INPP5A: variants seen among roughly 807,000 people sequenced by gnomAD.
INPP5A encodes the protein 43 kDa inositol polyphosphate 5-phophatase.
A neutral mutation model predicts 65.2 loss-of-function variants in INPP5A; 14 were observed. The observed-to-expected ratio is 0.21, with a 90% confidence interval of 0.14 to 0.34. The LOEUF is 0.34. INPP5A is among the 10% of genes least tolerant of loss of function. The probability of loss-of-function intolerance (pLI) is 1.00; values close to 1 mark genes in which losing one functional copy is unlikely to be tolerated. For synonymous variants in INPP5A, 207 were observed against 208.3 expected (o/e 0.99, Z 0.05); for missense variants, 431 against 545.6 (o/e 0.79, Z 2.09).
chr10:132,586,312 G>A (rs1041596235), intron 1 of INPP5A, among the ~76,000 whole-genome samples: 1 of 152,238 alleles, frequency 6.6e-6, no homozygotes, highest in Admixed American at 6.5e-5. Flanking sequence ...GCACCCTCCA[G>A]GACGGGGACT....
intron 11 of INPP5A, among the ~76,000 whole-genome samples, chr10:132,759,665 G>A (rs915442375): frequency 1.3e-5 from 2 of 152,224 alleles, no homozygotes; most frequent in East Asian, 3.9e-4. Context: ...GGCTCTCGGG[G>A]GTCCGGCTAC....
At chr10:132,594,163 G>A (rs1590853884) in intron 1 of INPP5A, among the ~76,000 whole-genome samples, 2 of 152,280 alleles carry the variant, frequency 1.3e-5, no homozygotes, top group Non-Finnish European at 1.5e-5. Flanking sequence ...CCAATGTTAT[G>A]TTTGTCTCAT....
chr10:132,709,053 T>G (rs561625162), intron 7 of INPP5A, among the ~76,000 whole-genome samples: 5 of 151,768 alleles, frequency 3.3e-5, no homozygotes, highest in African/African-American at 1.2e-4. Context: ...TAAAAACACA[T>G]ACGAGGTCAT....
intron 14 of INPP5A, among the ~76,000 whole-genome samples, chr10:132,781,383 G>A (rs1022687075): frequency 3.3e-5 from 5 of 152,178 alleles, no homozygotes; most frequent in African/African-American, 4.8e-5. Context: ...ACTGCACCTC[G>A]AGAGTGTGCA....
intron 12 of INPP5A, among the ~76,000 whole-genome samples, chr10:132,766,976 C>T (rs375702366): frequency 3.5e-5 from 3 of 85,400 alleles, no homozygotes; most frequent in Admixed American, 1.4e-4. Context: ...GATGTGGCCT[C>T]GGAGCTTGGG....
intron 2 of INPP5A, among the ~76,000 whole-genome samples, chr10:132,608,614 G>T (rs1428416623): frequency 6.6e-6 from 1 of 152,182 alleles, no homozygotes; most frequent in African/African-American, 2.4e-5. Context: ...CTGAGGACTG[G>T]GTGCATGGGG....
chr10:132,709,121 CT>C (rs2134527137), intron 7 of INPP5A, among the ~76,000 whole-genome samples: 1 of 151,480 alleles, frequency 6.6e-6, no homozygotes, highest in East Asian at 2.0e-4. Context: ...CCCTGGTCAC[CT>C]TGGGGCTTCC....
intron 2 of INPP5A, among the ~76,000 whole-genome samples, chr10:132,609,668 G>A (rs1236511945): frequency 6.6e-6 from 1 of 152,218 alleles, no homozygotes; most frequent in South Asian, 2.1e-4. Context: ...TTTTTGAGAC[G>A]GAGTCTCACT....
rs1037002122 is a variant in INPP5A, at chr10:132,676,621, G to C, written c.307-13771G>C. Among the ~76,000 whole-genome samples the C allele has an allele frequency of 1.3e-5, 2 of 152,292 alleles. No homozygotes were observed. Among genetic ancestry groups the C allele is most frequent in the Middle Eastern group, 6.8e-3 (2 of 294 alleles). ...CGCTGGCCTACAGACTGCTGTCCCGGCCAGTGCTCCGCTCCCTGCGCCCCT... is the reference window on the plus strand; with the variant it reads ...CGCTGGCCTACAGACTGCTGTCCCGCCCAGTGCTCCGCTCCCTGCGCCCCT... On this transcript the variant is annotated intron_variant, in intron 4 of 15. Coordinates refer to ENST00000368594, the MANE Select transcript of INPP5A (RefSeq NM_005539.5). This position sits in a 1 kb window ranked among gnomAD's most constrained non-coding sequence, Gnocchi z 4.0.
At chr10:132,653,117 C>T (rs1240230982) in intron 4 of INPP5A, among the ~76,000 whole-genome samples, 1 of 152,208 alleles carries the variant, frequency 6.6e-6, no homozygotes, top group African/African-American at 2.4e-5. Flanking sequence ...CCAGAGCAGG[C>T]CTCTCCGTCT....
intron 6 of INPP5A, among the ~76,000 whole-genome samples, chr10:132,701,845 G>T (rs1232573591): frequency 1.3e-5 from 2 of 152,238 alleles, no homozygotes; most frequent in African/African-American, 4.8e-5. Flanking sequence ...AGGAATTGGG[G>T]CGGTGGTTCC....
At chr10:132,666,084 T>C (rs2072798095) in intron 4 of INPP5A, among the ~76,000 whole-genome samples, 1 of 150,558 alleles carries the variant, frequency 6.6e-6, no homozygotes, top group Admixed American at 6.6e-5. Flanking sequence ...AAGAATGATA[T>C]AACCACATTA....
intron 5 of INPP5A, among the ~76,000 whole-genome samples, chr10:132,696,368 T>G (rs1180260239): frequency 2.6e-5 from 4 of 152,202 alleles, no homozygotes; most frequent in Non-Finnish European, 5.9e-5. Flanking sequence ...GCCCAGAGTT[T>G]TGAAGAAGAA....
chr10:132,687,002 T>C (rs965668624), intron 4 of INPP5A, among the ~76,000 whole-genome samples: 14 of 152,234 alleles, frequency 9.2e-5, no homozygotes, highest in African/African-American at 3.4e-4. Flanking sequence ...TGGAGTGCAG[T>C]GGCATGATCT....
intron 1 of INPP5A, among the ~76,000 whole-genome samples, chr10:132,592,404 A>G (rs2071629971): frequency 6.6e-6 from 1 of 151,674 alleles, no homozygotes; most frequent in South Asian, 2.1e-4. Flanking sequence ...TGGGGCAAAA[A>G]TGTTTGTTTG....
chr10:132,545,788 A>G lies in INPP5A; in HGVS notation c.75+7617A>G, dbSNP rs1463179945. Among the ~76,000 whole-genome samples, 2 of 152,310 alleles carry G rather than the reference A, an allele frequency of 1.3e-5. No individual in the cohort carries two copies. The highest frequency in any genetic ancestry group is 4.8e-5 in the African/African-American group (2 of 41,580). On this transcript the variant is annotated intron_variant, in intron 1 of 15. Coordinates refer to ENST00000368594, the MANE Select transcript of INPP5A (RefSeq NM_005539.5). The surrounding 1 kb of genome is among the most constrained non-coding windows in gnomAD (Gnocchi z 4.6). ...CCCACCAGGTCTGGTTGGTGCTGCCATGGGCTCAGATCTGGCGTTTTCCAA... is the reference window on the plus strand; with the variant it reads ...CCCACCAGGTCTGGTTGGTGCTGCCGTGGGCTCAGATCTGGCGTTTTCCAA...
chr10:132,729,260 TGA>T (rs1314908618), intron 9 of INPP5A, among the ~76,000 whole-genome samples: 20 of 152,178 alleles, frequency 1.3e-4, no homozygotes, highest in Non-Finnish European at 5.9e-5. Flanking sequence ...GGAGCCGGCC[TGA>T]GTCTGCCACA....
At chr10:132,738,927 G>A (rs972129579) in intron 9 of INPP5A, among the ~76,000 whole-genome samples, 2 of 152,224 alleles carry the variant, frequency 1.3e-5, no homozygotes, top group South Asian at 2.1e-4. Context: ...AGGGCCTCAC[G>A]GTGGGCACTT....
rs573273536 is a variant in INPP5A, at chr10:132,570,985, G to C, written c.75+32814G>C. 9.8e-5 allele frequency among the ~76,000 whole-genome samples: 15 copies of C among 152,366 alleles called. No individual in the cohort carries two copies. The South Asian group carries it at 3.1e-3, about 32-fold the overall frequency. On this transcript the variant is annotated intron_variant, in intron 1 of 15. Transcript: ENST00000368594. ...TGGGTGGGGGCTGAGGGATGAAAAC[G>C]AGGCACTCCCTCCCCACCACAGCCT... is the stretch of plus-strand genomic sequence containing the variant.
Sources: gnomAD v4.1 joint callset for allele counts (sites outside exome capture counted in the v4.1 genomes callset) on GRCh38, gnomAD v4.1.1 for gene constraint, Gnocchi (gnomAD v3.1) non-coding constraint, MANE v1.5 for transcripts, NCBI Gene and HGNC (gene_info 2026-07-23, HGNC 2026-07-21) for gene names.